Variants in ROBO2 observed in about 807,000 individuals in gnomAD.
ROBO2 encodes roundabout guidance receptor 2, also known as roundabout homolog 2.
Under a neutral mutation model 160.8 loss-of-function variants are expected in ROBO2, and 53 were observed. The observed-to-expected ratio is 0.33, with a 90% CI of 0.26 to 0.41. The LOEUF (loss-of-function observed/expected upper bound fraction) is 0.41. ROBO2 is among the 10% of genes least tolerant of loss of function. ROBO2 has a pLI of 1.00. For missense variants in ROBO2, 1,577 were observed against 1,722.4 expected, an observed-to-expected ratio of 0.92 and a Z score of 1.49; for synonymous variants, 664 against 611.7, an observed-to-expected ratio of 1.09 and a Z score of -1.26.
intron 2 of ROBO2, among the ~76,000 whole-genome samples, chr3:77,098,650 A>G (rs1354175945): frequency 6.6e-6 from 1 of 152,040 alleles, no homozygotes; most frequent in Non-Finnish European, 1.5e-5. Flanking sequence ...GATCGAGACC[A>G]TCCTGGGTAA....
chr3:76,344,842 C>A (rs1439189704), intron 2 of ROBO2, among the ~76,000 whole-genome samples: 1 of 152,128 alleles, frequency 6.6e-6, no homozygotes, highest in East Asian at 1.9e-4. Flanking sequence ...TGACTGTGGA[C>A]AAAATGTATA....
At chr3:77,432,089 T>A (rs1193193143) in intron 2 of ROBO2, among the ~76,000 whole-genome samples, 1 of 152,178 alleles carries the variant, frequency 6.6e-6, no homozygotes, top group Non-Finnish European at 1.5e-5. Context: ...TGCCTCTAGC[T>A]TTTTTAGCAA....
chr3:76,453,856 G>T (rs1325400966), intron 2 of ROBO2, among the ~76,000 whole-genome samples: 1 of 152,030 alleles, frequency 6.6e-6, no homozygotes, highest in African/African-American at 2.4e-5. Flanking sequence ...CCCAATTAAA[G>T]CTTGATTCCT....
Position 77,574,744 on chromosome 3 carries a change from T to A in ROBO2, c.2203+14T>A. 2 of 1,597,276 alleles carry A rather than the reference T, an allele frequency of 1.3e-6. No individual in the cohort carries two copies. Among genetic ancestry groups the A allele is most frequent in the South Asian group, 2.2e-5 (2 of 90,610 alleles). On this transcript the variant is annotated intron_variant, in intron 14 of 25. Transcript: ENST00000461745. The stretch of plus-strand genomic sequence containing the variant: ...CTACTGAAGAAGGTCAGTATTCAGA[T>A]TTCGAATATAAATCAAACATGATGA...
chr3:77,068,543 C>G (rs1442758140), intron 1 of ROBO2, among the ~76,000 whole-genome samples: 1 of 152,110 alleles, frequency 6.6e-6, no homozygotes, highest in Non-Finnish European at 1.5e-5. Flanking sequence ...TTATCTCTCA[C>G]TAACTTGCCT....
At chr3:76,003,862 A>T (rs1252189948) in intron 2 of ROBO2, among the ~76,000 whole-genome samples, 1 of 152,230 alleles carries the variant, frequency 6.6e-6, no homozygotes, top group Non-Finnish European at 1.5e-5. Context: ...TCGTTAGGAA[A>T]ATGCAATTAA....
At chr3:76,684,688 T>C (rs1307749524) in intron 2 of ROBO2, among the ~76,000 whole-genome samples, 1 of 152,178 alleles carries the variant, frequency 6.6e-6, no homozygotes, top group Non-Finnish European at 1.5e-5. Context: ...TTTGTTATAC[T>C]ACTATGTAAA....
intron 2 of ROBO2, among the ~76,000 whole-genome samples, chr3:76,073,064 C>T (rs1430938758): frequency 6.6e-6 from 1 of 152,080 alleles, no homozygotes; most frequent in African/African-American, 2.4e-5. Context: ...TCCCCAGTCA[C>T]TTGAAATGTT....
intron 2 of ROBO2, among the ~76,000 whole-genome samples, chr3:76,629,733 A>T (rs2089907580): frequency 6.6e-6 from 1 of 152,196 alleles, no homozygotes; most frequent in South Asian, 2.1e-4. Context: ...ACTCAATATT[A>T]ACCATCACAC....
intron 2 of ROBO2, among the ~76,000 whole-genome samples, chr3:77,003,452 A>G (rs1417085672): frequency 6.6e-6 from 1 of 152,230 alleles, no homozygotes; most frequent in Non-Finnish European, 1.5e-5. Flanking sequence ...AAGAACAATT[A>G]TAATCACCAT....
chr3:75,909,662 A>G (rs1297409570), intron 1 of ROBO2, among the ~76,000 whole-genome samples: 1 of 152,196 alleles, frequency 6.6e-6, no homozygotes, highest in Non-Finnish European at 1.5e-5. Flanking sequence ...CTCAGATCCT[A>G]CAAAATACTT....
chr3:77,317,653 C>T, intron 2 of ROBO2: 1 of 175,690 alleles, frequency 5.7e-6, no homozygotes, highest in Non-Finnish European at 1.1e-5. Flanking sequence ...CTGCTGGTTG[C>T]TGCTGGGGGG....
intron 2 of ROBO2, among the ~76,000 whole-genome samples, chr3:76,380,509 C>T (rs2076565598): frequency 6.6e-6 from 1 of 152,094 alleles, no homozygotes; most frequent in Non-Finnish European, 1.5e-5. Context: ...ACAGGAGGAC[C>T]AATTCCTCCT....
At chr3:77,026,356 C>T (rs2062964073) in intron 2 of ROBO2, among the ~76,000 whole-genome samples, 1 of 152,106 alleles carries the variant, frequency 6.6e-6, no homozygotes, top group African/African-American at 2.4e-5. Flanking sequence ...GATGAACTAG[C>T]TACCAATAAC....
chr3:77,090,386 C>T (rs1469890672), intron 1 of ROBO2, among the ~76,000 whole-genome samples: 1 of 110,496 alleles, frequency 9.1e-6, no homozygotes, highest in Non-Finnish European at 1.8e-5. Flanking sequence ...CGGAGTTTCG[C>T]TCTGTGGCCC....
chr3:77,579,402 A>G (rs1180587023), intron 15 of ROBO2, among the ~76,000 whole-genome samples: 1 of 152,150 alleles, frequency 6.6e-6, no homozygotes, highest in Non-Finnish European at 1.5e-5. Context: ...GTCAATACCT[A>G]TAACTTAGGT....
intron 2 of ROBO2, among the ~76,000 whole-genome samples, chr3:76,480,530 G>T (rs1212927456): frequency 6.6e-6 from 1 of 152,138 alleles, no homozygotes; most frequent in Non-Finnish European, 1.5e-5. Context: ...ATAAACAACA[G>T]AAACTTTTTT....
At chr3:76,549,684 G>T (rs867195629) in intron 2 of ROBO2, among the ~76,000 whole-genome samples, 1 of 152,142 alleles carries the variant, frequency 6.6e-6, no homozygotes, top group Non-Finnish European at 1.5e-5. Context: ...GCATCTTAGG[G>T]ATAGTGGATT....
chr3:77,080,030 A>C (rs1228272605), intron 1 of ROBO2, among the ~76,000 whole-genome samples: 1 of 152,204 alleles, frequency 6.6e-6, no homozygotes, highest in Non-Finnish European at 1.5e-5. Context: ...ACTGAAACAA[A>C]AGATAGATTG....
Sources: gnomAD v4.1 joint callset for allele counts (sites outside exome capture counted in the v4.1 genomes callset) on GRCh38, gnomAD v4.1.1 for gene constraint, MANE v1.5 for transcripts, NCBI Gene and HGNC (gene_info 2026-07-23, HGNC 2026-07-21) for gene names.